The following ZBTB7C variants were observed in gnomAD, a reference collection of about 807,000 sequenced individuals.
The protein encoded by ZBTB7C is zinc finger and BTB domain-containing protein 7C.
Under a neutral mutation model 25.7 loss-of-function variants are expected in ZBTB7C, and 8 were observed. That is an observed-to-expected ratio of 0.31 (90% CI 0.18 to 0.56). The LOEUF (loss-of-function observed/expected upper bound fraction) is 0.56, where lower values mean the gene tolerates loss of function less well. Ranked by LOEUF, ZBTB7C falls within the 20% of genes least tolerant of loss-of-function variation. The pLI, the probability that ZBTB7C is intolerant of heterozygous loss-of-function variation, is 0.91. For missense variants in ZBTB7C, 824 were observed against 855.2 expected (o/e 0.96, Z 0.46); for synonymous variants, 394 against 369.0 (o/e 1.07, Z -0.78).
In ZBTB7C at chr18:48,327,363, C is replaced by T. The variant is rs868650375; in HGVS notation, c.-79+10811G>A. On this transcript the variant is annotated intron_variant, in intron 2 of 4. Transcript: ENST00000590800. ...CGCAGTGTTCAAATTCTCAGGACCCCACCAGCACACTTGATTCACAAATAT... is the reference window on the plus strand; with the variant it reads ...CGCAGTGTTCAAATTCTCAGGACCCTACCAGCACACTTGATTCACAAATAT... Among the ~76,000 whole-genome samples the T allele has an allele frequency of 1.1e-4, 17 of 152,164 alleles. 1 individual carries two copies. The highest frequency in any genetic ancestry group is 6.2e-4 in the South Asian group (3 of 4,826).
intron 3 of ZBTB7C, among the ~76,000 whole-genome samples, chr18:48,183,273 T>C (rs1293310865): frequency 2.0e-5 from 3 of 152,170 alleles, no homozygotes; most frequent in South Asian, 4.1e-4. Context: ...CACCAAAATT[T>C]TGGAATCTAA....
Position 48,316,842 on chromosome 18 carries a change from C to T in ZBTB7C, c.-79+21332G>A, listed in dbSNP as rs79772960. On this transcript the variant is annotated intron_variant, in intron 2 of 4. Coordinates refer to ENST00000590800, the MANE Select transcript of ZBTB7C (RefSeq NM_001318841.2). ...GAGGCAATGAAGAGACCTCGTTCTACGTGGTGATGAGCAAGCTGCCACACC... is the reference window on the plus strand; with the variant it reads ...GAGGCAATGAAGAGACCTCGTTCTATGTGGTGATGAGCAAGCTGCCACACC... 5.0e-3 allele frequency among the ~76,000 whole-genome samples: 764 copies of T among 152,336 alleles called. 5 individuals are homozygous for T. The highest frequency in any genetic ancestry group is 0.018 in the African/African-American group (733 of 41,568).
At chr18:48,086,120 A>G (rs1047816259) in intron 3 of ZBTB7C, among the ~76,000 whole-genome samples, 3 of 152,262 alleles carry the variant, frequency 2.0e-5, no homozygotes, top group Admixed American at 1.3e-4. Context: ...TGAACCTGGC[A>G]TTCATTCTGC....
At chr18:48,228,206 C>G (rs1436401986) in intron 2 of ZBTB7C, among the ~76,000 whole-genome samples, 1 of 152,116 alleles carries the variant, frequency 6.6e-6, no homozygotes, top group Non-Finnish European at 1.5e-5. Context: ...ATAGCAGTCC[C>G]AAGAGTGATA....
intron 2 of ZBTB7C, among the ~76,000 whole-genome samples, chr18:48,281,405 G>A (rs1174578915): frequency 3.3e-5 from 5 of 152,082 alleles, no homozygotes; most frequent in Non-Finnish European, 7.4e-5. Context: ...CATGGGCAAG[G>A]ACTTCATGTC....
chr18:48,371,773 T>C (rs971178608), intron 1 of ZBTB7C, among the ~76,000 whole-genome samples: 1 of 152,166 alleles, frequency 6.6e-6, no homozygotes. Flanking sequence ...AAGACACAAA[T>C]AGGTGGTAGC....
At chr18:48,047,448 T>TAC (rs57148379) in intron 3 of ZBTB7C, among the ~76,000 whole-genome samples, 32,760 of 150,882 alleles carry the variant, frequency 0.22, 3,741 homozygotes, top group South Asian at 0.28. Context: ...AGAAAAAAAA[T>TAC]AGAGATGAAA....
intron 1 of ZBTB7C, among the ~76,000 whole-genome samples, chr18:48,378,131 T>C (rs2047563019): frequency 6.6e-6 from 1 of 151,944 alleles, no homozygotes; most frequent in Non-Finnish European, 1.5e-5. Context: ...AGAGTGAAAC[T>C]CCGTTTCAAA....
At chr18:48,294,089 A>G (rs899807311) in intron 2 of ZBTB7C, among the ~76,000 whole-genome samples, 1 of 152,224 alleles carries the variant, frequency 6.6e-6, no homozygotes, top group Non-Finnish European at 1.5e-5. Context: ...GGGGAAGGGC[A>G]AGCAAGCTGC....
chr18:48,355,866 C>T (rs1217869319), intron 1 of ZBTB7C, among the ~76,000 whole-genome samples: 1 of 152,238 alleles, frequency 6.6e-6, no homozygotes, highest in Non-Finnish European at 1.5e-5. Flanking sequence ...CCAATCAGAG[C>T]ACAAATGCCC....
At chr18:48,109,251 C>T (rs549266094) in intron 3 of ZBTB7C, among the ~76,000 whole-genome samples, 3 of 152,304 alleles carry the variant, frequency 2.0e-5, no homozygotes, top group Non-Finnish European at 4.4e-5. Context: ...AGTGGAAAGA[C>T]CCCCATCCAG....
chr18:48,406,091 G>A (rs906673917), intron 1 of ZBTB7C, among the ~76,000 whole-genome samples: 12 of 152,050 alleles, frequency 7.9e-5, no homozygotes, highest in Non-Finnish European at 1.8e-4. Context: ...GGGAGGATGG[G>A]TTATAAATAG....
chr18:48,040,877 G>T lies in ZBTB7C; in HGVS notation c.231C>A (p.Ile77=). 1.2e-6 allele frequency: 2 copies of T among 1,614,184 alleles called. No homozygotes were observed. Among genetic ancestry groups the T allele is most frequent in the South Asian group, 1.1e-5 (1 of 91,082 alleles). Reference sequence around the variant, plus strand: ...CCAGAGCCTCAGGCTGGACAAAGTCGATCTCATAGACGTAGGGCTGGCTGG... The same window carrying T: ...CCAGAGCCTCAGGCTGGACAAAGTCTATCTCATAGACGTAGGGCTGGCTGG... ...TLASQPYVYE[I]DFVQPEALAA... Residue 77 remains isoleucine, a synonymous_variant, in exon 4 of 5, where the codon ATC becomes ATA. Coordinates refer to ENST00000590800, the MANE Select transcript of ZBTB7C (RefSeq NM_001318841.2).
At chr18:48,333,250 A>C (rs1486760851) in intron 2 of ZBTB7C, among the ~76,000 whole-genome samples, 2 of 152,234 alleles carry the variant, frequency 1.3e-5, no homozygotes, top group African/African-American at 4.8e-5. Flanking sequence ...GCAAAACTTA[A>C]GGTGATATAG....
chr18:48,227,233 C>CAATGAA lies in ZBTB7C; in HGVS notation c.-78-41244_-78-41239dup, dbSNP rs1420388068. On this transcript the variant is annotated intron_variant, in intron 2 of 4. Coordinates refer to ENST00000590800, the MANE Select transcript of ZBTB7C (RefSeq NM_001318841.2). The stretch of plus-strand genomic sequence containing the variant: ...GCCACTGTATTCTGTTTACAGTGAG[C>CAATGAA]AATGAAAAAGATGCCACTGTGTCCA... Among the ~76,000 whole-genome samples, 5 of 152,136 alleles carry CAATGAA rather than the reference C, an allele frequency of 3.3e-5. No homozygotes were observed. The East Asian group carries it at 9.6e-4, about 29-fold the overall frequency.
At chr18:48,390,465 T>C (rs1394385032) in intron 1 of ZBTB7C, among the ~76,000 whole-genome samples, 1 of 152,102 alleles carries the variant, frequency 6.6e-6, no homozygotes, top group Non-Finnish European at 1.5e-5. Flanking sequence ...ATCCAGACAA[T>C]ATCAAAGGTA....
chr18:48,099,546 A>G (rs2038756933), intron 3 of ZBTB7C, among the ~76,000 whole-genome samples: 1 of 152,178 alleles, frequency 6.6e-6, no homozygotes, highest in African/African-American at 2.4e-5. Context: ...ATACCTTTGG[A>G]ACCTCCAGGC....
intron 2 of ZBTB7C, among the ~76,000 whole-genome samples, chr18:48,291,450 G>A (rs1322392307): frequency 1.3e-5 from 2 of 152,128 alleles, no homozygotes; most frequent in East Asian, 1.9e-4. Context: ...AAACTCCAAG[G>A]TGGTAAGGTG....
intron 1 of ZBTB7C, among the ~76,000 whole-genome samples, chr18:48,397,098 T>C (rs913337345): frequency 6.6e-6 from 1 of 152,242 alleles, no homozygotes; most frequent in African/African-American, 2.4e-5. Flanking sequence ...GTTTTAGTAC[T>C]TGGTATCAAG....
Sources: gnomAD v4.1 joint callset for allele counts (sites outside exome capture counted in the v4.1 genomes callset) on GRCh38, gnomAD v4.1.1 for gene constraint, MANE v1.5 for transcripts, NCBI Gene and HGNC (gene_info 2026-07-23, HGNC 2026-07-21) for gene names.